The following TRAF3 variants were observed in gnomAD, a reference collection of about 807,000 sequenced individuals.
The protein encoded by TRAF3 is TNF receptor-associated factor 3.
A neutral mutation model predicts 62.3 loss-of-function variants in TRAF3; 13 were observed. The ratio of observed to expected loss-of-function variants is 0.21; its 90% CI spans 0.14 to 0.33. The LOEUF (loss-of-function observed/expected upper bound fraction) is 0.33, where lower values mean the gene tolerates loss of function less well. Among genes scored for constraint, TRAF3 ranks in the 10% least tolerant of loss-of-function variants. The pLI is 1.00. For missense variants in TRAF3, 440 were observed against 741.8 expected (o/e 0.59, Z 4.73); for synonymous variants, 269 against 283.4 (o/e 0.95, Z 0.51).
At chr14:102,904,227 G>A (rs185310451) in intron 11 of TRAF3, among the ~76,000 whole-genome samples, 102 of 152,370 alleles carry the variant, frequency 6.7e-4, no homozygotes, top group Admixed American at 1.4e-3. Context: ...GCCTAGTAAT[G>A]TGTCCAGACA....
intron 2 of TRAF3, among the ~76,000 whole-genome samples, chr14:102,869,035 C>T (rs1888170858): frequency 2.6e-5 from 4 of 152,334 alleles, no homozygotes; most frequent in Middle Eastern, 6.8e-3. Flanking sequence ...TGTGGTGTCC[C>T]CTCTGCCAGC....
At chr14:102,855,815 G>A (rs1887330594) in intron 2 of TRAF3, among the ~76,000 whole-genome samples, 1 of 151,310 alleles carries the variant, frequency 6.6e-6, no homozygotes. Flanking sequence ...AAAAAGGCCA[G>A]GTACGTTGGC....
intron 1 of TRAF3, among the ~76,000 whole-genome samples, chr14:102,792,197 T>A (rs1390597550): frequency 7.2e-6 from 1 of 139,006 alleles, no homozygotes. Context: ...TGATCATAGC[T>A]CACTGCAGTC....
chr14:102,879,539 G>T (rs1381228317), intron 6 of TRAF3, among the ~76,000 whole-genome samples: 1 of 152,064 alleles, frequency 6.6e-6, no homozygotes, highest in Non-Finnish European at 1.5e-5. Flanking sequence ...GATTATAGGC[G>T]TGAGCCATCG....
intron 2 of TRAF3, among the ~76,000 whole-genome samples, chr14:102,851,050 C>G (rs1887009427): frequency 1.3e-5 from 2 of 152,176 alleles, no homozygotes. Flanking sequence ...AACCTGCAAG[C>G]TGCTCCCCCA....
At chr14:102,791,271 G>A (rs759700467) in intron 1 of TRAF3, among the ~76,000 whole-genome samples, 6 of 151,822 alleles carry the variant, frequency 4.0e-5, no homozygotes, top group Non-Finnish European at 5.9e-5. Flanking sequence ...CACCCACCTC[G>A]GCCTCCCAAA....
intron 1 of TRAF3, among the ~76,000 whole-genome samples, chr14:102,814,219 G>T (rs1899375092): frequency 6.6e-6 from 1 of 152,152 alleles, no homozygotes; most frequent in South Asian, 2.1e-4. Context: ...AAATCAGTTG[G>T]CTGTAGATAT....
chr14:102,873,032 G>A (rs1006365766), intron 4 of TRAF3, among the ~76,000 whole-genome samples: 10 of 152,158 alleles, frequency 6.6e-5, no homozygotes, highest in African/African-American at 2.4e-4. Context: ...AAAAATGTGT[G>A]TTTCCCTACT....
intron 1 of TRAF3, among the ~76,000 whole-genome samples, chr14:102,794,135 T>G (rs1320009470): frequency 2.0e-5 from 3 of 151,946 alleles, no homozygotes; most frequent in Admixed American, 6.6e-5. Flanking sequence ...GAGTGAGTGT[T>G]CTAGGAGAGG....
Position 102,870,304 on chromosome 14 carries a change from G to A in TRAF3, c.103G>A (p.Glu35Lys), listed in dbSNP as rs753068608. The change falls in exon 3 of 12, where the codon GAA (glutamate) becomes AAA (lysine). Residue 35 changes from glutamate (E) to lysine (K), a missense_variant. Coordinates refer to ENST00000392745, the MANE Select transcript of TRAF3 (RefSeq NM_145725.3). ...RSAGTPVFVP[E>K]QGGYKEKFVK... ...TGCTGGGACGCCAGTTTTTGTCCCT[G>A]AACAAGGAGGTTACAAGGAAAAGTT... 1.2e-6 allele frequency: 2 copies of A among 1,614,208 alleles called. No homozygotes were observed. Among genetic ancestry groups the A allele is most frequent in the Admixed American group, 3.3e-5 (2 of 60,028 alleles).
intron 7 of TRAF3, among the ~76,000 whole-genome samples, chr14:102,888,419 G>C (rs535049860): frequency 6.6e-6 from 1 of 152,230 alleles, no homozygotes; most frequent in Admixed American, 6.5e-5. Flanking sequence ...GTCCCTTCCC[G>C]CAGTGTCCCT....
Position 102,867,486 on chromosome 14 carries a change from C to T in TRAF3, c.-17-2699C>T, listed in dbSNP as rs904666919. ...GGAGGGCCAGGGGAAAAGCACAGAG[C>T]GGTATGGGGGAGTTGAGAGAGACTG... On this transcript the variant is annotated intron_variant, in intron 2 of 11. Transcript: ENST00000392745. Among the ~76,000 whole-genome samples the T allele has an allele frequency of 9.3e-4, 142 of 152,000 alleles. 1 individual carries two copies. Among genetic ancestry groups the T allele is most frequent in the African/African-American group, 3.0e-3 (126 of 41,422 alleles).
intron 2 of TRAF3, among the ~76,000 whole-genome samples, chr14:102,863,713 A>T (rs796538517): frequency 2.3e-4 from 35 of 152,320 alleles, no homozygotes; most frequent in African/African-American, 8.4e-4. Flanking sequence ...CTTTTGGTTA[A>T]ATCTATTGTT....
intron 2 of TRAF3, among the ~76,000 whole-genome samples, chr14:102,858,428 C>T (rs377307550): frequency 1.4e-3 from 216 of 152,336 alleles, no homozygotes; most frequent in Middle Eastern, 6.8e-3. Context: ...GCTGGGATTA[C>T]AGGCGTTAGC....
intron 1 of TRAF3, among the ~76,000 whole-genome samples, chr14:102,818,156 A>C (rs1411228689): frequency 6.6e-6 from 1 of 152,316 alleles, no homozygotes; most frequent in South Asian, 2.1e-4. Context: ...TTCTCAAAAC[A>C]CTTTACAAAT....
chr14:102,850,333 C>G (rs192979161), intron 2 of TRAF3, among the ~76,000 whole-genome samples: 66 of 152,228 alleles, frequency 4.3e-4, no homozygotes, highest in African/African-American at 1.5e-3. Context: ...ACAGTAAATT[C>G]ATGTCTAAGA....
intron 2 of TRAF3, among the ~76,000 whole-genome samples, chr14:102,836,722 A>T (rs1025916840): frequency 6.6e-6 from 1 of 152,246 alleles, no homozygotes; most frequent in African/African-American, 2.4e-5. Context: ...AGAATATTAC[A>T]ATCAAAGAAG....
chr14:102,906,467 A>G lies in TRAF3; in HGVS notation c.*683A>G, dbSNP rs981916244. ...ATAGACTGATATTTCTTGGAAGAAA[A>G]TATAAAATATCAAACACTGGTTATC... On this transcript the variant is annotated 3_prime_UTR_variant, in exon 12 of 12. Coordinates refer to ENST00000392745, the MANE Select transcript of TRAF3 (RefSeq NM_145725.3). The G allele has an allele frequency of 6.6e-6, 1 of 152,316 alleles. No homozygotes were observed. Among genetic ancestry groups the G allele is most frequent in the Non-Finnish European group, 1.5e-5 (1 of 68,050 alleles). The allele number at this position is 152,316 out of a possible 1,614,324, so 9.4% of individuals were successfully genotyped here.
chr14:102,817,750 A>G (rs1042439297), intron 1 of TRAF3, among the ~76,000 whole-genome samples: 2 of 152,238 alleles, frequency 1.3e-5, no homozygotes, highest in African/African-American at 4.8e-5. Flanking sequence ...GCTTATCCTC[A>G]GGGTTCTCTC....
Sources: allele counts gnomAD v4.1 joint callset (sites outside exome capture counted in the v4.1 genomes callset), GRCh38; gene constraint gnomAD v4.1.1; transcripts MANE v1.5; gene names NCBI Gene and HGNC (gene_info 2026-07-23, HGNC 2026-07-21).